The following RYR2 variants were observed in gnomAD, a reference collection of about 807,000 sequenced individuals.
RYR2 encodes the protein cardiac muscle ryanodine receptor-calcium release channel.
A neutral mutation model predicts 601.1 loss-of-function variants in RYR2; 227 were observed. The observed-to-expected ratio is 0.38, with a 90% confidence interval of 0.34 to 0.42. The LOEUF (loss-of-function observed/expected upper bound fraction) is 0.42. Ranked by LOEUF, RYR2 falls within the 10% of genes least tolerant of loss-of-function variation. The probability of loss-of-function intolerance (pLI) is 1.00; values close to 1 mark genes in which losing one functional copy is unlikely to be tolerated. For missense variants in RYR2, 4,646 were observed against 6,156.5 expected (o/e 0.75, Z 8.21); for synonymous variants, 2,223 against 2,175.1 (o/e 1.02, Z -0.61).
At chr1:237,789,052 T>C (rs1294971542) in intron 92 of RYR2, among the ~76,000 whole-genome samples, 1 of 151,512 alleles carries the variant, frequency 6.6e-6, no homozygotes, top group Non-Finnish European at 1.5e-5. Flanking sequence ...ATATGCATAA[T>C]TTTTATAAAT....
chr1:237,159,267 G>A (rs1367374323), intron 1 of RYR2, among the ~76,000 whole-genome samples: 1 of 151,820 alleles, frequency 6.6e-6, no homozygotes, highest in Admixed American at 6.6e-5. Flanking sequence ...CTCCAGCCTG[G>A]GCAACAAGAG....
rs576971523 is a variant in RYR2 at position 237,248,624 on chromosome 1, G to A, written c.49-21873G>A. 1.1e-3 allele frequency among the ~76,000 whole-genome samples: 163 copies of A among 152,204 alleles called. 1 individual carries two copies. Among genetic ancestry groups the A allele is most frequent in the African/African-American group, 3.8e-3 (159 of 41,524 alleles). ...TATTGAGGCATGTAAAACAATGAAGGAAGGAACCCATTTTTATGATGAAGA... is the reference window on the plus strand; with the variant it reads ...TATTGAGGCATGTAAAACAATGAAGAAAGGAACCCATTTTTATGATGAAGA... On this transcript the variant is annotated intron_variant, in intron 1 of 104. Transcript: ENST00000366574.
chr1:237,484,365 T>TG (rs1162268995), intron 17 of RYR2, among the ~76,000 whole-genome samples: 5 of 152,058 alleles, frequency 3.3e-5, no homozygotes, highest in Non-Finnish European at 5.9e-5. Flanking sequence ...AACAGTACCA[T>TG]GGGGGGTGGG....
chr1:237,412,138 C>T (rs1350801750), intron 10 of RYR2, among the ~76,000 whole-genome samples: 8 of 151,692 alleles, frequency 5.3e-5, no homozygotes, highest in Admixed American at 3.9e-4. Context: ...TGCTTTTTAC[C>T]GAGAAACAAG....
intron 12 of RYR2, among the ~76,000 whole-genome samples, chr1:237,428,700 GGCACAC>G (rs1244647316): frequency 6.6e-6 from 1 of 150,480 alleles, no homozygotes; most frequent in Non-Finnish European, 1.5e-5. Context: ...AAACCACCAT[GGCACAC>G]TTATACCTAT....
intron 25 of RYR2, among the ~76,000 whole-genome samples, chr1:237,535,883 T>A (rs1668565509): frequency 6.6e-6 from 1 of 152,238 alleles, no homozygotes; most frequent in Non-Finnish European, 1.5e-5. Flanking sequence ...AAGATTTTTT[T>A]ATTTATAAGC....
At chr1:237,710,804 C>T (rs1169753491) in intron 70 of RYR2, among the ~76,000 whole-genome samples, 1 of 151,790 alleles carries the variant, frequency 6.6e-6, no homozygotes, top group Non-Finnish European at 1.5e-5. Context: ...TGCATCCCAG[C>T]CTGGGTGACA....
At chr1:237,566,512 C>T in intron 27 of RYR2, 55 bp from the exon 28 acceptor site, 5 of 1,528,728 alleles carry the variant, frequency 3.3e-6, no homozygotes, top group South Asian at 1.2e-5. Context: ...GATATCTTTC[C>T]TTCTCTTTCA....
At chr1:237,649,138 T>G (rs1351194355) in intron 49 of RYR2, among the ~76,000 whole-genome samples, 3 of 152,228 alleles carry the variant, frequency 2.0e-5, no homozygotes, top group Non-Finnish European at 4.4e-5. Context: ...AATGTTCTTT[T>G]CTTTGAAACA....
At chr1:237,163,013 T>G (rs1317357907) in intron 1 of RYR2, among the ~76,000 whole-genome samples, 1 of 152,192 alleles carries the variant, frequency 6.6e-6, no homozygotes, top group Non-Finnish European at 1.5e-5. Context: ...CAGTGCTATT[T>G]GATATTATAG....
At chr1:237,607,350 T>C (rs995527379) in intron 35 of RYR2, among the ~76,000 whole-genome samples, 2 of 149,798 alleles carry the variant, frequency 1.3e-5, no homozygotes, top group East Asian at 2.1e-4. Flanking sequence ...CGCATGTTCT[T>C]ACTCACAGGT....
At chr1:237,708,744 G>T in intron 68 of RYR2, 114 bp from the exon 69 acceptor site, 8 of 908,834 alleles carry the variant, frequency 8.8e-6, no homozygotes, top group South Asian at 1.7e-5. Context: ...TACCCTTAAG[G>T]AAGTCATGTG....
At chr1:237,290,324 A>C (rs1212502490) in intron 2 of RYR2, among the ~76,000 whole-genome samples, 1 of 152,230 alleles carries the variant, frequency 6.6e-6, no homozygotes, top group East Asian at 1.9e-4. Flanking sequence ...AGAGTGACTA[A>C]AAGCAGATGA....
At chr1:237,173,930 G>T (rs374529193) in intron 1 of RYR2, among the ~76,000 whole-genome samples, 2 of 152,080 alleles carry the variant, frequency 1.3e-5, no homozygotes, top group South Asian at 2.1e-4. Context: ...GGTGGCGGGC[G>T]CCTGTAGTCC....
At chr1:237,552,978 G>C (rs1018742871) in intron 27 of RYR2, among the ~76,000 whole-genome samples, 1 of 151,964 alleles carries the variant, frequency 6.6e-6, no homozygotes, top group African/African-American at 2.4e-5. Context: ...GTTTCTAAAA[G>C]TATATTTTGG....
At chr1:237,613,457 G>A (rs1458511124) in intron 36 of RYR2, among the ~76,000 whole-genome samples, 1 of 152,064 alleles carries the variant, frequency 6.6e-6, no homozygotes, top group Non-Finnish European at 1.5e-5. Flanking sequence ...AGACTTTTTT[G>A]TTGTTGTTTC....
At chr1:237,803,551 T>C (rs142600138) in intron 98 of RYR2, among the ~76,000 whole-genome samples, 1,642 of 152,116 alleles carry the variant, frequency 0.011, 15 homozygotes, top group African/African-American at 0.027. Flanking sequence ...CCGACCGCCT[T>C]GGCCTCCCAA....
chr1:237,321,260 G>A (rs927908022), intron 2 of RYR2, among the ~76,000 whole-genome samples: 5 of 152,080 alleles, frequency 3.3e-5, no homozygotes, highest in Non-Finnish European at 7.4e-5. Context: ...TTGTATAATT[G>A]TCTCTACATT....
rs769277607 is a variant in RYR2, at chr1:237,602,012, A to C, written c.4597-13A>C. On this transcript the variant is annotated splice_polypyrimidine_tract_variant and intron_variant, in intron 34 of 104. Transcript: ENST00000366574. ...CATTACTAACATTATTAAATTCATT[A>C]AATGTATTTCAGGTGGAACCGAGTA... The C allele has an allele frequency of 6.3e-7, 1 of 1,591,124 alleles. No individual in the cohort carries two copies. Among genetic ancestry groups the C allele is most frequent in the Non-Finnish European group, 8.5e-7 (1 of 1,169,640 alleles).
Sources: allele counts gnomAD v4.1 joint callset (sites outside exome capture counted in the v4.1 genomes callset), GRCh38; gene constraint gnomAD v4.1.1; transcripts MANE v1.5; gene names NCBI Gene and HGNC (gene_info 2026-07-23, HGNC 2026-07-21).